Variants in DSCAML1 observed in about 807,000 individuals in gnomAD.
The protein encoded by DSCAML1 is cell adhesion molecule DSCAML1.
Under a neutral mutation model 200.5 loss-of-function variants are expected in DSCAML1, and 38 were observed. The observed-to-expected ratio is 0.19, with a 90% CI of 0.15 to 0.25. DSCAML1 has a LOEUF of 0.25. DSCAML1 is among the 10% of genes least tolerant of loss of function. The pLI is 1.00. For synonymous variants in DSCAML1, 1,215 were observed against 1,165.0 expected (o/e 1.04, Z -0.87); for missense variants, 2,223 against 2,858.8 (o/e 0.78, Z 5.07).
intron 18 of DSCAML1, among the ~76,000 whole-genome samples, chr11:117,460,992 T>C (rs2048469821): frequency 6.6e-6 from 1 of 152,072 alleles, no homozygotes; most frequent in South Asian, 2.1e-4. Context: ...ATTAAACTCT[T>C]TGATCGCCCC....
Position 117,780,459 on chromosome 11 carries a change from G to T in DSCAML1, c.364+34C>A. 7.1e-7 allele frequency: 1 copy of T among 1,415,250 alleles called. No individual in the cohort carries two copies. The allele number at this position is 1,415,250 out of a possible 1,614,324, so 87.7% of individuals were successfully genotyped here. A position where few individuals can be genotyped will look rare whatever the true frequency, so the allele number is the denominator to read the frequency against. Reference sequence around the variant, plus strand: ...CAGAATGACGGCGCAGCCTCCTCCTGTGCCACTGGGGCAGCCAGTGTCTTG... The same window carrying T: ...CAGAATGACGGCGCAGCCTCCTCCTTTGCCACTGGGGCAGCCAGTGTCTTG... On this transcript the variant is annotated intron_variant, in intron 2 of 32. Transcript: ENST00000651296. This position sits in a 1 kb window ranked among gnomAD's most constrained non-coding sequence, Gnocchi z 4.8.
intron 3 of DSCAML1, among the ~76,000 whole-genome samples, chr11:117,775,275 C>CCA (rs774470404): frequency 3.5e-4 from 54 of 152,298 alleles, no homozygotes; most frequent in Non-Finnish European, 7.1e-4. Context: ...CTGCAGGACC[C>CCA]CACACAGCCA....
intron 3 of DSCAML1, among the ~76,000 whole-genome samples, chr11:117,564,755 C>G (rs55637767): frequency 6.7e-6 from 1 of 148,548 alleles, no homozygotes; most frequent in African/African-American, 2.5e-5. Context: ...TTCTCTCTCT[C>G]TCTTTCTTTC....
intron 3 of DSCAML1, among the ~76,000 whole-genome samples, chr11:117,713,207 C>T (rs1050919471): frequency 2.0e-5 from 3 of 152,184 alleles, no homozygotes; most frequent in Non-Finnish European, 4.4e-5. Context: ...AGCATTTCTC[C>T]TGCCTTCAAG....
In DSCAML1 at chr11:117,428,350, G is replaced by C. The variant is rs2047703935; in HGVS notation, c.6140C>G (p.Ser2047Cys). The C allele has an allele frequency of 1.9e-6, 3 of 1,576,544 alleles. No homozygotes were observed. Among genetic ancestry groups the C allele is most frequent in the Admixed American group, 1.8e-5 (1 of 55,818 alleles). ...RSQKQGAGAY[S>C]KSYTLV ...GCCCTACACCAGGGTGTAGGATTTG[G>C]AGTAGGCCCCGGCCCCCTGCTTCTG... Residue 2047 changes from serine to cysteine, a missense_variant, in exon 33 of 33, where the codon TCC becomes TGC. Physicochemically the swap from Ser to Cys is moderately radical, Grantham distance 112. Coordinates refer to ENST00000651296, the MANE Select transcript of DSCAML1 (RefSeq NM_020693.4).
intron 19 of DSCAML1, among the ~76,000 whole-genome samples, chr11:117,456,606 C>T (rs1459957977): frequency 6.6e-6 from 1 of 151,722 alleles, no homozygotes; most frequent in Non-Finnish European, 1.5e-5. Flanking sequence ...TCATCTGACA[C>T]TGGGTTCTTT....
chr11:117,560,051 T>TG (rs1019160417), intron 3 of DSCAML1, among the ~76,000 whole-genome samples: 2 of 142,620 alleles, frequency 1.4e-5, no homozygotes, highest in African/African-American at 2.6e-5. Flanking sequence ...CTGGGAGGGG[T>TG]GGGGGCAGGA....
At chr11:117,634,310 A>T (rs1472376287) in intron 3 of DSCAML1, among the ~76,000 whole-genome samples, 2 of 152,076 alleles carry the variant, frequency 1.3e-5, no homozygotes, top group East Asian at 3.9e-4. Flanking sequence ...CATCAGGAAG[A>T]CTCGAGTTCT....
Position 117,731,403 on chromosome 11 carries a change from C to A in DSCAML1, c.511+45388G>T, listed in dbSNP as rs576984115. ...CAAAGACTCCTGCCCACCTCTCTGG[C>A]CTTGTATGTCACTGTTCCAGCCTCA... is the stretch of plus-strand genomic sequence containing the variant. On this transcript the variant is annotated intron_variant, in intron 3 of 32. Transcript: ENST00000651296. Among the ~76,000 whole-genome samples, 4 of 152,316 alleles carry A rather than the reference C, an allele frequency of 2.6e-5. No homozygotes were observed. The South Asian group carries it at 8.3e-4, about 32-fold the overall frequency.
intron 32 of DSCAML1, 137 bp from the exon 33 acceptor site, chr11:117,428,940 G>A: frequency 2.7e-6 from 2 of 744,456 alleles, no homozygotes; most frequent in South Asian, 3.6e-5. Context: ...GGGCAATAAA[G>A]AGTAGCGGAA....
rs550825231 is a variant in DSCAML1, at chr11:117,571,373, G to A, written c.512-38851C>T. 3.3e-5 allele frequency among the ~76,000 whole-genome samples: 5 copies of A among 152,364 alleles called. No individual in the cohort carries two copies. The South Asian group carries it at 1.0e-3, about 32-fold the overall frequency. ...ACAGAGGAGGACACTGCAGTGCAGA[G>A]AGAGGGAATGATGCTCCTGAGATCG... On this transcript the variant is annotated intron_variant, in intron 3 of 32. Transcript: ENST00000651296.
chr11:117,530,656 A>T lies in DSCAML1; in HGVS notation c.658+1720T>A, dbSNP rs529419337. Among the ~76,000 whole-genome samples, 5 of 152,166 alleles carry T rather than the reference A, an allele frequency of 3.3e-5. No homozygotes were observed. In the East Asian group the frequency reaches 9.7e-4, roughly 29 times the overall value. On this transcript the variant is annotated intron_variant, in intron 4 of 32. Transcript: ENST00000651296. The stretch of plus-strand genomic sequence containing the variant: ...CGGGTTGTTGCCCTCCCAGCTCCTG[A>T]TCTCCTGGCCTTGCCCCACATGTGA...
chr11:117,594,423 G>A (rs2051321944), intron 3 of DSCAML1, among the ~76,000 whole-genome samples: 1 of 152,226 alleles, frequency 6.6e-6, no homozygotes, highest in South Asian at 2.1e-4. Flanking sequence ...TTGAGAAGAT[G>A]ACACTGCCCC....
Position 117,461,476 on chromosome 11 carries a change from A to G in DSCAML1, c.3386T>C (p.Ile1129Thr). 1 of 1,614,200 alleles carries G rather than the reference A, an allele frequency of 6.2e-7. No homozygotes were observed. The highest frequency in any genetic ancestry group is 8.5e-7 in the Non-Finnish European group (1 of 1,180,040). Residue 1129 changes from isoleucine (I) to threonine (T), a missense_variant, in exon 18 of 33, where the codon ATC becomes ACC. Ile to Thr is a moderately conservative substitution (Grantham distance 89, BLOSUM62 -1). Coordinates refer to ENST00000651296, the MANE Select transcript of DSCAML1 (RefSeq NM_020693.4). ...LNGVLKGYRV[I>T]FWSLYVDGEW... ...CCCATCAACATAGAGGGACCAGAAG[A>G]TGACCCGATAGCCTTTGAGGACGCC...
intron 19 of DSCAML1, among the ~76,000 whole-genome samples, chr11:117,451,990 G>A (rs766161728): frequency 6.6e-6 from 1 of 152,046 alleles, no homozygotes; most frequent in African/African-American, 2.4e-5. Context: ...TAGATACAGC[G>A]TCATCATCCT....
intron 3 of DSCAML1, among the ~76,000 whole-genome samples, chr11:117,577,020 A>G (rs142639145): frequency 0.015 from 2,208 of 152,266 alleles, 29 homozygotes; most frequent in East Asian, 0.065. Context: ...TATATGGCAA[A>G]TCATACCCAC....
At chr11:117,772,195 G>C (rs535101396) in intron 3 of DSCAML1, among the ~76,000 whole-genome samples, 79 of 152,256 alleles carry the variant, frequency 5.2e-4, no homozygotes, top group Middle Eastern at 3.4e-3. Flanking sequence ...TGAGAGCTAT[G>C]AAAACCCATT....
chr11:117,717,388 C>T (rs2053968896), intron 3 of DSCAML1, among the ~76,000 whole-genome samples: 1 of 152,186 alleles, frequency 6.6e-6, no homozygotes, highest in Non-Finnish European at 1.5e-5. Flanking sequence ...CTTGACGCTC[C>T]CTCAACTCTT....
chr11:117,443,106 G>C (rs556252560), intron 21 of DSCAML1, among the ~76,000 whole-genome samples: 1 of 152,182 alleles, frequency 6.6e-6, no homozygotes, highest in Non-Finnish European at 1.5e-5. Flanking sequence ...TCTGGGCTGC[G>C]GTGGATAAGA....
Sources: allele counts gnomAD v4.1 joint callset (sites outside exome capture counted in the v4.1 genomes callset), GRCh38; gene constraint gnomAD v4.1.1; non-coding constraint Gnocchi (gnomAD v3.1); transcripts MANE v1.5; gene names NCBI Gene and HGNC (gene_info 2026-07-23, HGNC 2026-07-21).